THSD4: variants seen among roughly 807,000 people sequenced by gnomAD.
The protein encoded by THSD4 is thrombospondin type-1 domain-containing protein 4.
THSD4 carries 69 observed loss-of-function variants against 119.0 expected under a neutral mutation model. The observed-to-expected ratio is 0.58, with a 90% CI of 0.48 to 0.71. THSD4 has a LOEUF of 0.71. THSD4 is among the 30% of genes least tolerant of loss of function. The pLI, the probability that THSD4 is intolerant of heterozygous loss-of-function variation, is 0.00. For missense variants in THSD4, 1,393 were observed against 1,391.1 expected, an observed-to-expected ratio of 1.00 and a Z score of -0.02; for synonymous variants, 524 against 540.4, an observed-to-expected ratio of 0.97 and a Z score of 0.42.
At chr15:71,308,837 A>G (rs1023740773) in intron 6 of THSD4, among the ~76,000 whole-genome samples, 4 of 152,240 alleles carry the variant, frequency 2.6e-5, no homozygotes, top group Non-Finnish European at 5.9e-5. Flanking sequence ...CAGCAGCTGC[A>G]GCATTTTACA....
intron 7 of THSD4, among the ~76,000 whole-genome samples, chr15:71,537,207 C>G (rs997547338): frequency 6.6e-6 from 1 of 152,214 alleles, no homozygotes; most frequent in African/African-American, 2.4e-5. Flanking sequence ...CCCTTTTCAT[C>G]TGGACTACAG....
chr15:71,726,903 C>T (rs886306190), intron 8 of THSD4, among the ~76,000 whole-genome samples: 3 of 151,776 alleles, frequency 2.0e-5, no homozygotes, highest in Non-Finnish European at 2.9e-5. Flanking sequence ...CACCATTGCA[C>T]TCCGGCCTGG....
At chr15:71,563,453 C>A (rs1291359796) in intron 7 of THSD4, among the ~76,000 whole-genome samples, 2 of 152,122 alleles carry the variant, frequency 1.3e-5, no homozygotes, top group Non-Finnish European at 2.9e-5. Context: ...GTAAGCACTT[C>A]GGGATAGTCA....
intron 7 of THSD4, among the ~76,000 whole-genome samples, chr15:71,572,090 C>T (rs2049368758): frequency 6.6e-6 from 1 of 151,996 alleles, no homozygotes; most frequent in African/African-American, 2.4e-5. Flanking sequence ...ATGGATATTG[C>T]AGAGAAAAAA....
At chr15:71,610,835 G>A (rs2050209836) in intron 7 of THSD4, among the ~76,000 whole-genome samples, 2 of 152,162 alleles carry the variant, frequency 1.3e-5, no homozygotes, top group Admixed American at 6.5e-5. Context: ...GAGAGCAGTA[G>A]GGGCAGTTAT....
At chr15:71,608,414 G>T (rs2050159234) in intron 7 of THSD4, among the ~76,000 whole-genome samples, 1 of 151,894 alleles carries the variant, frequency 6.6e-6, no homozygotes, top group Non-Finnish European at 1.5e-5. Context: ...TTATAAAAGG[G>T]ATTTCCCACA....
intron 8 of THSD4, among the ~76,000 whole-genome samples, chr15:71,667,565 TCTC>T (rs1204464734): frequency 6.6e-6 from 1 of 152,212 alleles, no homozygotes; most frequent in Non-Finnish European, 1.5e-5. Context: ...TTAAGCATGT[TCTC>T]CTAAAAGTTT....
chr15:71,194,608 C>G (rs1382503166), intron 3 of THSD4, among the ~76,000 whole-genome samples: 1 of 152,168 alleles, frequency 6.6e-6, no homozygotes, highest in Non-Finnish European at 1.5e-5. Flanking sequence ...CAAGGCTTGA[C>G]CTTGCATGCA....
At chr15:71,579,996 C>T (rs562704470) in intron 7 of THSD4, among the ~76,000 whole-genome samples, 7 of 152,130 alleles carry the variant, frequency 4.6e-5, no homozygotes, top group South Asian at 2.1e-4. Context: ...GCAAATTACA[C>T]TGTGACTAAT....
chr15:71,536,844 C>T (rs28507675), intron 7 of THSD4, among the ~76,000 whole-genome samples: 2,494 of 152,102 alleles, frequency 0.016, 66 homozygotes, highest in African/African-American at 0.055. Context: ...CATTCTTTTG[C>T]GTGTAGATAT....
At chr15:71,649,310 G>A (rs11072314) in intron 7 of THSD4, among the ~76,000 whole-genome samples, 43,393 of 151,712 alleles carry the variant, frequency 0.29, 6,699 homozygotes, top group East Asian at 0.63. Flanking sequence ...TTTCATTCTT[G>A]TTGCCCAGGC....
chr15:71,531,780 C>T (rs1043523761), intron 7 of THSD4, among the ~76,000 whole-genome samples: 18 of 152,200 alleles, frequency 1.2e-4, no homozygotes, highest in African/African-American at 4.3e-4. Flanking sequence ...TTAATTAGCT[C>T]TTTGTTCTGA....
chr15:71,321,898 T>C (rs1044898090), intron 6 of THSD4, among the ~76,000 whole-genome samples: 4 of 151,410 alleles, frequency 2.6e-5, no homozygotes, highest in Non-Finnish European at 5.9e-5. Context: ...AATTTTACTT[T>C]CTTAAGACCC....
rs2045986470 is a variant in THSD4, at chr15:71,367,897, C to A, written c.1016-43790C>A. ...ATGGTTGAATTAGTTTACAGTCCCA[C>A]CAACAGTGTAAAAGTGTTTCTATTT... On this transcript the variant is annotated intron_variant, in intron 6 of 17. Coordinates refer to ENST00000261862, the MANE Select transcript of THSD4 (RefSeq NM_024817.3). 2.0e-5 allele frequency among the ~76,000 whole-genome samples: 3 copies of A among 152,334 alleles called. No individual in the cohort carries two copies. In the South Asian group the frequency reaches 6.2e-4, roughly 32 times the overall value.
chr15:71,756,010 TGG>T (rs2053532650), intron 14 of THSD4, among the ~76,000 whole-genome samples: 1 of 152,100 alleles, frequency 6.6e-6, no homozygotes, highest in Admixed American at 6.6e-5. Flanking sequence ...GAAGGAGGTA[TGG>T]GGGATAGGAT....
intron 5 of THSD4, among the ~76,000 whole-genome samples, chr15:71,255,845 A>C (rs1407201142): frequency 1.3e-5 from 2 of 152,202 alleles, no homozygotes; most frequent in African/African-American, 4.8e-5. Flanking sequence ...ACATGTTTAA[A>C]GTAGTGCCTG....
At chr15:71,763,279 G>T (rs1009047838) in intron 15 of THSD4, among the ~76,000 whole-genome samples, 7 of 151,594 alleles carry the variant, frequency 4.6e-5, no homozygotes, top group African/African-American at 1.7e-4. Context: ...TTATTTGATT[G>T]TGTGGCTGCC....
chr15:71,215,486 C>A, intron 4 of THSD4, 87 bp downstream of exon 4: 1 of 1,302,702 alleles, frequency 7.7e-7, no homozygotes, highest in Non-Finnish European at 1.0e-6. Context: ...CGCTGCTCTG[C>A]ACCACAGACA....
rs561068530 is a variant in THSD4, at chr15:71,618,343, G to A, written c.1153-42187G>A. 1.8e-4 allele frequency among the ~76,000 whole-genome samples: 27 copies of A among 152,220 alleles called. No homozygotes were observed. In the East Asian group the frequency reaches 2.5e-3, roughly 14 times the overall value. ...ACTTTAGGGCACCTCTCCCACATGC[G>A]CACACTTTAACAGCAGTTAAAACGA... On this transcript the variant is annotated intron_variant, in intron 7 of 17. Transcript: ENST00000261862.
Sources: allele counts gnomAD v4.1 joint callset (sites outside exome capture counted in the v4.1 genomes callset), GRCh38; gene constraint gnomAD v4.1.1; transcripts MANE v1.5; gene names NCBI Gene and HGNC (gene_info 2026-07-23, HGNC 2026-07-21).